Variants in MON2 observed in about 807,000 individuals in gnomAD.
MON2 encodes the protein protein MON2 homolog.
In MON2, 84 loss-of-function variants were observed where a neutral mutation model predicts 208.6. That is an observed-to-expected ratio of 0.40 (90% CI 0.34 to 0.48). MON2 has a LOEUF of 0.48. Ranked by LOEUF, MON2 falls within the 20% of genes least tolerant of loss-of-function variation. The pLI, the probability that MON2 is intolerant of heterozygous loss-of-function variation, is 0.59. For synonymous variants in MON2, 660 were observed against 694.0 expected, an observed-to-expected ratio of 0.95 and a Z score of 0.77; for missense variants, 1,611 against 2,015.4, an observed-to-expected ratio of 0.80 and a Z score of 3.84.
At chr12:62,483,031 C>T (rs1376651140) in intron 1 of MON2, 1 of 151,350 alleles carries the variant, frequency 6.6e-6, no homozygotes, top group Non-Finnish European at 1.5e-5. Context: ...AAGATCCTGT[C>T]TCTAAAAAAA....
intron 26 of MON2, 196 bp from the exon 27 acceptor site, chr12:62,565,041 C>A: frequency 2.1e-6 from 1 of 476,430 alleles, no homozygotes; most frequent in South Asian, 3.5e-5. Flanking sequence ...CATTTTTTAG[C>A]TGATTAACAG....
At chr12:62,528,403 C>A (rs2072450610) in intron 11 of MON2, among the ~76,000 whole-genome samples, 1 of 152,164 alleles carries the variant, frequency 6.6e-6, no homozygotes, top group African/African-American at 2.4e-5. Context: ...TATTACACTA[C>A]AGATCCCTTC....
chr12:62,576,807 C>T (rs2074804950), intron 30 of MON2, among the ~76,000 whole-genome samples: 1 of 151,582 alleles, frequency 6.6e-6, no homozygotes, highest in African/African-American at 2.4e-5. Context: ...ACTCTCTTCC[C>T]TCATCATATG....
At chr12:62,518,389 G>A (rs546999412) in intron 8 of MON2, among the ~76,000 whole-genome samples, 2 of 152,284 alleles carry the variant, frequency 1.3e-5, no homozygotes, top group Admixed American at 1.3e-4. Flanking sequence ...GAGAAAATGA[G>A]GACCAGGATG....
rs2075195707 is a variant in MON2, at chr12:62,585,577, CAAGTGTTTTTGT to C, written c.4907+82_4907+93del. The stretch of plus-strand genomic sequence containing the variant: ...TGATAACAAGGAAAACTCTGAAAAG[CAAGTGTTTTTGT>C]AAGTGATCTGAACTAAGCTGAAGTT... On this transcript the variant is annotated intron_variant, in intron 33 of 34. Coordinates refer to ENST00000393630, the MANE Select transcript of MON2 (RefSeq NM_015026.3). 10 of 1,222,592 alleles carry C rather than the reference CAAGTGTTTTTGT, an allele frequency of 8.2e-6. No homozygotes were observed. In the South Asian group the frequency reaches 9.7e-5, roughly 12 times the overall value. 75.7% of individuals were successfully genotyped at this position (1,222,592 alleles called of 1,614,324 possible).
chr12:62,553,257 T>C (rs933918805), intron 24 of MON2, 83 bp downstream of exon 24: 19 of 1,270,868 alleles, frequency 1.5e-5, no homozygotes, highest in African/African-American at 1.1e-4. Flanking sequence ...TTATTTCTTT[T>C]AATTTTTAAA....
intron 32 of MON2, 29 bp downstream of exon 32, chr12:62,580,449 G>A (rs1220606763): frequency 1.3e-6 from 2 of 1,538,788 alleles, no homozygotes; most frequent in Non-Finnish European, 8.9e-7. Context: ...GTATTAAAAA[G>A]TATTGAAGTA....
At position 62,537,695 on chromosome 12, in the gene MON2, G is replaced by A; in HGVS notation, c.2107G>A (p.Ala703Thr). 6.2e-7 allele frequency: 1 copy of A among 1,611,798 alleles called. No individual in the cohort carries two copies. Among genetic ancestry groups the A allele is most frequent in the Non-Finnish European group, 8.5e-7 (1 of 1,178,894 alleles). Residue 703 changes from alanine to threonine, a missense_variant, in exon 16 of 35, where the codon GCA (alanine) becomes ACA (threonine). Ala to Thr is a moderately conservative substitution (Grantham distance 58). Coordinates refer to ENST00000393630, the MANE Select transcript of MON2 (RefSeq NM_015026.3). ...VLGTSWQLVLATLQHLVWILG... is the reference protein window; with the variant it reads ...VLGTSWQLVLTTLQHLVWILG... ...TGGAACATCATGGCAACTTGTCTTG[G>A]CAACTCTTCAGGTATGTAAAAGTGT...
At chr12:62,577,818 C>A (rs1043833759) in intron 30 of MON2, among the ~76,000 whole-genome samples, 7 of 152,054 alleles carry the variant, frequency 4.6e-5, no homozygotes, top group African/African-American at 1.7e-4. Context: ...TAGTATCTTG[C>A]TGTTTTTTAA....
At chr12:62,534,532 A>AT (rs2072827297) in intron 12 of MON2, among the ~76,000 whole-genome samples, 38 of 49,466 alleles carry the variant, frequency 7.7e-4, no homozygotes, top group African/African-American at 3.1e-3. Flanking sequence ...AAAAAAAAAA[A>AT]AAAAAAAAAA....
Position 62,537,376 on chromosome 12 carries a change from A to C in MON2, c.2013+113A>C, listed in dbSNP as rs3736366. ...CATTTATTTACTTTCTTTTACTAGA[A>C]CTACTTTCTTAAACTAGAAGAAACT... On this transcript the variant is annotated intron_variant, in intron 15 of 34. Transcript: ENST00000393630. The C allele has an allele frequency of 8.8e-4, 688 of 780,938 alleles. 5 individuals carry two copies. The East Asian group carries it at 0.014, about 16-fold the overall frequency. 48.4% of individuals were successfully genotyped at this position (780,938 alleles called of 1,614,324 possible). A position where few individuals can be genotyped will look rare whatever the true frequency, so the allele number is the denominator to read the frequency against.
At chr12:62,500,645 A>G in intron 5 of MON2, 138 bp from the exon 6 acceptor site, 1 of 510,042 alleles carries the variant, frequency 2.0e-6, no homozygotes, top group Non-Finnish European at 3.4e-6. Context: ...ATATGTTAAC[A>G]TTGGAAATTT....
chr12:62,479,716 A>AG (rs2069296358), intron 1 of MON2, among the ~76,000 whole-genome samples: 1 of 152,202 alleles, frequency 6.6e-6, no homozygotes, highest in African/African-American at 2.4e-5. Context: ...GCAGTAGATA[A>AG]GATTACTTAC....
rs2075597000 is a variant in MON2 at position 62,600,280 on chromosome 12, A to G, written c.*7531A>G. 1 of 152,222 alleles carries G rather than the reference A, an allele frequency of 6.6e-6. No homozygotes were observed. Among genetic ancestry groups the G allele is most frequent in the Admixed American group, 6.5e-5 (1 of 15,282 alleles). 9.4% of individuals were successfully genotyped at this position (152,222 alleles called of 1,614,324 possible). A position where few individuals can be genotyped will look rare whatever the true frequency, so the allele number is the denominator to read the frequency against. The stretch of plus-strand genomic sequence containing the variant: ...CAGAAAATCCATGTCTTCCCACAAT[A>G]GGGACCAATTTTTTGCCTTTCACCA... On this transcript the variant is annotated 3_prime_UTR_variant, in exon 35 of 35. Transcript: ENST00000393630.
chr12:62,534,001 T>A (rs2072783499), intron 12 of MON2, among the ~76,000 whole-genome samples: 1 of 152,170 alleles, frequency 6.6e-6, no homozygotes, highest in African/African-American at 2.4e-5. Context: ...ATGTAATCAG[T>A]CTCCTGGCTG....
intron 19 of MON2, among the ~76,000 whole-genome samples, chr12:62,538,726 T>C (rs1257833377): frequency 6.6e-6 from 1 of 152,138 alleles, no homozygotes; most frequent in Non-Finnish European, 1.5e-5. Flanking sequence ...TAAGTTGTGT[T>C]CATTTCTCTT....
At chr12:62,573,781 G>A (rs138729214) in intron 30 of MON2, among the ~76,000 whole-genome samples, 325 of 151,310 alleles carry the variant, frequency 2.1e-3, no homozygotes, top group African/African-American at 7.6e-3. Context: ...ATTAAATCCC[G>A]TTTTCTGAAG....
intron 1 of MON2, among the ~76,000 whole-genome samples, chr12:62,469,399 G>A (rs1365844758): frequency 6.6e-6 from 1 of 152,158 alleles, no homozygotes; most frequent in African/African-American, 2.4e-5. Context: ...TGGCTAGAGA[G>A]ATATTTTGTA....
chr12:62,474,141 A>G (rs1282485753), intron 1 of MON2, among the ~76,000 whole-genome samples: 1 of 147,704 alleles, frequency 6.8e-6, no homozygotes, highest in African/African-American at 2.5e-5. Flanking sequence ...TTTCTGAGAC[A>G]AAGTCTCGCT....
Sources: gnomAD v4.1 joint callset for allele counts (sites outside exome capture counted in the v4.1 genomes callset) on GRCh38, gnomAD v4.1.1 for gene constraint, MANE v1.5 for transcripts, NCBI Gene and HGNC (gene_info 2026-07-23, HGNC 2026-07-21) for gene names.